The following HTR4 variants were observed in gnomAD, a reference collection of about 807,000 sequenced individuals.
The protein encoded by HTR4 is 5-hydroxytryptamine receptor 4, also known as 5-hydroxytryptamine (serotonin) receptor 4, G protein-coupled.
A neutral mutation model predicts 36.8 loss-of-function variants in HTR4; 16 were observed. The observed-to-expected ratio is 0.43, with a 90% CI of 0.29 to 0.66. The LOEUF (loss-of-function observed/expected upper bound fraction) is 0.66, where lower values mean the gene tolerates loss of function less well. Among genes scored for constraint, HTR4 ranks in the 30% least tolerant of loss-of-function variants. The pLI, the probability that HTR4 is intolerant of heterozygous loss-of-function variation, is 0.13. For synonymous variants in HTR4, 189 were observed against 185.1 expected, an observed-to-expected ratio of 1.02 and a Z score of -0.17; for missense variants, 438 against 490.9, an observed-to-expected ratio of 0.89 and a Z score of 1.02.
Position 148,611,047 on chromosome 5 carries a change from C to T in HTR4, c.26+25942G>A, listed in dbSNP as rs1185548711. On this transcript the variant is annotated intron_variant, in intron 2 of 6. Coordinates refer to ENST00000377888, the MANE Select transcript of HTR4 (RefSeq NM_000870.7). ...CTATGTGAAAAGACCAAATCTACGTCTGATTGGTGTACCTGAAAGTGATGG... is the reference window on the plus strand; with the variant it reads ...CTATGTGAAAAGACCAAATCTACGTTTGATTGGTGTACCTGAAAGTGATGG... Among the ~76,000 whole-genome samples, 495 of 149,572 alleles carry T rather than the reference C, an allele frequency of 3.3e-3. 2 individuals carry two copies. Among genetic ancestry groups the T allele is most frequent in the African/African-American group, 0.012 (479 of 40,446 alleles).
intron 6 of HTR4, among the ~76,000 whole-genome samples, chr5:148,503,597 TA>T (rs1303742100): frequency 6.6e-6 from 1 of 152,110 alleles, no homozygotes; most frequent in Non-Finnish European, 1.5e-5. Context: ...ACGAGCAAAA[TA>T]ACCAGCTAAC....
At chr5:148,458,081 TAAA>T (rs1316089617) in intron 5 of HTR4, among the ~76,000 whole-genome samples, 1 of 49,520 alleles carries the variant, frequency 2.0e-5, no homozygotes, top group African/African-American at 4.8e-5. Context: ...TAATAGATCT[TAAA>T]ATATATTATA....
At chr5:148,632,008 C>G (rs907149165) in intron 2 of HTR4, among the ~76,000 whole-genome samples, 1 of 151,998 alleles carries the variant, frequency 6.6e-6, no homozygotes, top group Admixed American at 6.6e-5. Context: ...TCCCTAGTAC[C>G]GTCATCAAGC....
chr5:148,520,895 T>A, intron 5 of HTR4: 6 of 1,367,748 alleles, frequency 4.4e-6, no homozygotes, highest in Non-Finnish European at 5.9e-6. Flanking sequence ...TCTTTCAGAA[T>A]CCTAAGGAAT....
chr5:148,567,508 T>C (rs1561624157), intron 2 of HTR4, among the ~76,000 whole-genome samples: 1 of 152,096 alleles, frequency 6.6e-6, no homozygotes, highest in Non-Finnish European at 1.5e-5. Context: ...ATCCCAAGTT[T>C]CTACCGAGAC....
In HTR4 at chr5:148,523,203, A is replaced by T; in HGVS notation, c.497T>A (p.Ile166Lys). 6.2e-7 allele frequency: 1 copy of T among 1,613,542 alleles called. No homozygotes were observed. The highest frequency in any genetic ancestry group is 8.5e-7 in the Non-Finnish European group (1 of 1,179,712). ...PIMQGWNNIGIIDLIEKRKFN... is the reference protein window; with the variant it reads ...PIMQGWNNIGKIDLIEKRKFN... ...TGTGTGGATACTCACCAAATCAATTATGCCAATGTTATTCCAGCCTTGCAT... is the reference window on the plus strand; with the variant it reads ...TGTGTGGATACTCACCAAATCAATTTTGCCAATGTTATTCCAGCCTTGCAT... The change falls in exon 5 of 7, where the codon ATA (isoleucine) becomes AAA (lysine). Residue 166 changes from isoleucine to lysine, a missense_variant. Coordinates refer to ENST00000377888, the MANE Select transcript of HTR4 (RefSeq NM_000870.7).
intron 6 of HTR4, among the ~76,000 whole-genome samples, chr5:148,483,621 C>T (rs147545202): frequency 2.0e-5 from 3 of 152,156 alleles, no homozygotes; most frequent in African/African-American, 4.8e-5. Flanking sequence ...CTACACATTC[C>T]GATTTTCTTT....
chr5:148,594,972 AT>A (rs1173038426), intron 2 of HTR4, among the ~76,000 whole-genome samples: 2 of 152,200 alleles, frequency 1.3e-5, no homozygotes, highest in African/African-American at 4.8e-5. Context: ...ATAGTTGCTC[AT>A]TGCAGAAAAT....
intron 6 of HTR4, among the ~76,000 whole-genome samples, chr5:148,505,817 G>T (rs546109071): frequency 9.1e-4 from 139 of 152,168 alleles, no homozygotes; most frequent in African/African-American, 3.3e-3. Context: ...AACTCACAAG[G>T]GATGTGAAGG....
At chr5:148,504,848 A>C (rs1483320668) in intron 6 of HTR4, among the ~76,000 whole-genome samples, 2 of 152,250 alleles carry the variant, frequency 1.3e-5, no homozygotes. Context: ...AACTACCATC[A>C]GAGAATACTA....
At chr5:148,568,517 C>T (rs986102857) in intron 2 of HTR4, among the ~76,000 whole-genome samples, 35 of 152,062 alleles carry the variant, frequency 2.3e-4, no homozygotes, top group African/African-American at 7.5e-4. Context: ...TAATGAATTA[C>T]ATATTGTAGA....
intron 4 of HTR4, among the ~76,000 whole-genome samples, chr5:148,546,619 G>A (rs1006541222): frequency 2.0e-5 from 3 of 152,154 alleles, no homozygotes; most frequent in Admixed American, 1.3e-4. Context: ...ATGGACAGTT[G>A]ATTCTACACT....
intron 1 of HTR4, among the ~76,000 whole-genome samples, chr5:148,638,907 C>T (rs376980013): frequency 2.6e-5 from 4 of 151,584 alleles, no homozygotes; most frequent in African/African-American, 7.3e-5. Context: ...ATTAGATGGG[C>T]GTGGTGATAT....
intron 4 of HTR4, among the ~76,000 whole-genome samples, chr5:148,548,386 A>G (rs1166440900): frequency 6.6e-6 from 1 of 152,168 alleles, no homozygotes; most frequent in African/African-American, 2.4e-5. Flanking sequence ...TTACAGCTCT[A>G]TAGTAAACTT....
intron 5 of HTR4, among the ~76,000 whole-genome samples, chr5:148,453,462 G>A (rs752221683): frequency 2.8e-4 from 42 of 152,170 alleles, no homozygotes; most frequent in African/African-American, 8.9e-4. Flanking sequence ...TACTCAGGCC[G>A]TTTCTGTCTC....
At chr5:148,558,885 A>G (rs1302338941) in intron 2 of HTR4, among the ~76,000 whole-genome samples, 3 of 152,220 alleles carry the variant, frequency 2.0e-5, no homozygotes, top group East Asian at 3.8e-4. Context: ...CATTTATTAC[A>G]AGTACAGATG....
chr5:148,601,977 G>A (rs950715561), intron 2 of HTR4, among the ~76,000 whole-genome samples: 19 of 152,066 alleles, frequency 1.2e-4, no homozygotes, highest in African/African-American at 4.3e-4. Flanking sequence ...GAAGCTGGGG[G>A]TTGGAAAGAT....
chr5:148,457,983 AT>A (rs1307385917), intron 5 of HTR4, among the ~76,000 whole-genome samples: 2 of 42,066 alleles, frequency 4.8e-5, no homozygotes, highest in Non-Finnish European at 1.6e-4. Context: ...TATTTTAATG[AT>A]ATATTTAATA....
intron 2 of HTR4, among the ~76,000 whole-genome samples, chr5:148,565,053 TA>T (rs1317375082): frequency 6.8e-6 from 1 of 146,034 alleles, no homozygotes; most frequent in East Asian, 2.0e-4. Context: ...GAGGTTGCAG[TA>T]AGCCAATATC....
Sources: allele counts gnomAD v4.1 joint callset (sites outside exome capture counted in the v4.1 genomes callset), GRCh38; gene constraint gnomAD v4.1.1; transcripts MANE v1.5; gene names NCBI Gene and HGNC (gene_info 2026-07-23, HGNC 2026-07-21).